The following ZNF804A variants were observed in gnomAD, a reference collection of about 807,000 sequenced individuals.
ZNF804A encodes the protein zinc finger protein 804A.
Under a neutral mutation model 16.5 loss-of-function variants are expected in ZNF804A, and 2 were observed. The observed-to-expected ratio is 0.12, with a 90% CI of 0.05 to 0.38. The LOEUF (loss-of-function observed/expected upper bound fraction) is 0.38. Among genes scored for constraint, ZNF804A ranks in the 10% least tolerant of loss-of-function variants. The pLI, the probability that ZNF804A is intolerant of heterozygous loss-of-function variation, is 0.99. For synonymous variants in ZNF804A, 534 were observed against 489.6 expected (o/e 1.09, Z -1.20); for missense variants, 1,473 against 1,390.7 (o/e 1.06, Z -0.94).
chr2:184,665,846 T>C (rs1302421745), intron 1 of ZNF804A, among the ~76,000 whole-genome samples: 1 of 152,194 alleles, frequency 6.6e-6, no homozygotes, highest in African/African-American at 2.4e-5. Flanking sequence ...GGACATTGCA[T>C]GAGTCCCTCT....
intron 1 of ZNF804A, among the ~76,000 whole-genome samples, chr2:184,860,501 G>T (rs1174987000): frequency 1.3e-5 from 2 of 152,238 alleles, no homozygotes; most frequent in East Asian, 1.9e-4. Flanking sequence ...GACTAGGGCT[G>T]CAGGGGCCAG....
chr2:184,673,166 A>T (rs556777213), intron 1 of ZNF804A, among the ~76,000 whole-genome samples: 30 of 152,326 alleles, frequency 2.0e-4, no homozygotes, highest in Middle Eastern at 6.8e-3. Context: ...AAAGGGAGGG[A>T]TGAAGATAAG....
chr2:184,825,593 T>G (rs147977696), intron 1 of ZNF804A, among the ~76,000 whole-genome samples: 10 of 152,200 alleles, frequency 6.6e-5, no homozygotes, highest in African/African-American at 2.4e-4. Context: ...AAAATGCTCA[T>G]AGGTGTCTCA....
intron 1 of ZNF804A, among the ~76,000 whole-genome samples, chr2:184,853,441 T>A (rs1695635919): frequency 6.6e-6 from 1 of 151,832 alleles, no homozygotes; most frequent in Non-Finnish European, 1.5e-5. Context: ...GTTGAACAGT[T>A]GTGGTAGGAA....
intron 1 of ZNF804A, among the ~76,000 whole-genome samples, chr2:184,843,558 G>A (rs938497789): frequency 6.6e-6 from 1 of 152,262 alleles, no homozygotes; most frequent in Non-Finnish European, 1.5e-5. Context: ...ACAGGCGTGA[G>A]CCACCACACT....
intron 3 of ZNF804A, 75 bp downstream of exon 3, chr2:184,933,808 G>A: frequency 6.9e-7 from 1 of 1,445,756 alleles, no homozygotes; most frequent in Non-Finnish European, 9.3e-7. Context: ...CAGAAATAAA[G>A]GGCACAAATC....
chr2:184,744,725 A>C (rs116000373), intron 1 of ZNF804A, among the ~76,000 whole-genome samples: 1,942 of 152,046 alleles, frequency 0.013, 21 homozygotes, highest in South Asian at 0.04. Flanking sequence ...AAGTATTAAC[A>C]ACTCAAGTAA....
intron 1 of ZNF804A, among the ~76,000 whole-genome samples, chr2:184,860,269 G>C (rs1695778613): frequency 6.6e-6 from 1 of 152,194 alleles, no homozygotes; most frequent in Admixed American, 6.5e-5. Flanking sequence ...AACTGGACTG[G>C]GTCCTGGGTC....
intron 1 of ZNF804A, among the ~76,000 whole-genome samples, chr2:184,791,305 C>T (rs1694535621): frequency 1.3e-5 from 2 of 152,112 alleles, no homozygotes; most frequent in Non-Finnish European, 1.5e-5. Flanking sequence ...TGGTGACTAT[C>T]AGCCTTTCAT....
chr2:184,666,549 G>C (rs1692258705), intron 1 of ZNF804A, among the ~76,000 whole-genome samples: 1 of 151,980 alleles, frequency 6.6e-6, no homozygotes, highest in Non-Finnish European at 1.5e-5. Context: ...AGCTGTAATA[G>C]TATTAAACAC....
chr2:184,648,317 A>G (rs1184841412), intron 1 of ZNF804A, among the ~76,000 whole-genome samples: 3 of 152,194 alleles, frequency 2.0e-5, no homozygotes, highest in Admixed American at 6.6e-5. Flanking sequence ...ACAATTAAAT[A>G]CATAGCCCAC....
chr2:184,934,692 T>G (rs1226062394), intron 3 of ZNF804A, among the ~76,000 whole-genome samples: 1 of 152,104 alleles, frequency 6.6e-6, no homozygotes, highest in Non-Finnish European at 1.5e-5. Flanking sequence ...AAATAGCATT[T>G]GCAAATATAA....
chr2:184,779,976 C>T (rs147815696), intron 1 of ZNF804A, among the ~76,000 whole-genome samples: 59 of 151,790 alleles, frequency 3.9e-4, no homozygotes, highest in African/African-American at 1.3e-3. Flanking sequence ...AAAAAAATTT[C>T]GCAATAATTT....
chr2:184,892,447 T>C (rs1387998425), intron 2 of ZNF804A, among the ~76,000 whole-genome samples: 1 of 151,664 alleles, frequency 6.6e-6, no homozygotes. Flanking sequence ...ATTAGCATTT[T>C]TCGCTTCCAC....
At chr2:184,752,024 T>C (rs1182221551) in intron 1 of ZNF804A, among the ~76,000 whole-genome samples, 1 of 151,774 alleles carries the variant, frequency 6.6e-6, no homozygotes, top group Non-Finnish European at 1.5e-5. Flanking sequence ...GCTCATACCC[T>C]GTTGGTGGGT....
At chr2:184,671,833 C>A (rs1162414097) in intron 1 of ZNF804A, among the ~76,000 whole-genome samples, 1 of 152,144 alleles carries the variant, frequency 6.6e-6, no homozygotes, top group Non-Finnish European at 1.5e-5. Flanking sequence ...CCATTTCAGT[C>A]CAATGAAATG....
intron 1 of ZNF804A, among the ~76,000 whole-genome samples, chr2:184,858,644 G>T (rs917842656): frequency 6.6e-6 from 1 of 151,552 alleles, no homozygotes; most frequent in South Asian, 2.1e-4. Context: ...ACTAATTATT[G>T]TAATGATAAT....
intron 2 of ZNF804A, among the ~76,000 whole-genome samples, chr2:184,919,304 A>C (rs1457813135): frequency 6.6e-6 from 1 of 152,142 alleles, no homozygotes; most frequent in African/African-American, 2.4e-5. Context: ...ATTCCAGGGA[A>C]TAGTGCTGTA....
rs34131171 is a variant in ZNF804A at position 184,693,929 on chromosome 2, C to CTT, written c.111+94878_111+94879dup. Among the ~76,000 whole-genome samples, 239 of 121,202 alleles carry CTT rather than the reference C, an allele frequency of 2.0e-3. 3 individuals carry two copies. The highest frequency in any genetic ancestry group is 4.7e-3 in the African/African-American group (152 of 32,248). 79.5% of individuals were successfully genotyped at this position (121,202 alleles called of 152,430 possible). A position where few individuals can be genotyped will look rare whatever the true frequency, so the allele number is the denominator to read the frequency against. On this transcript the variant is annotated intron_variant, in intron 1 of 3. Transcript: ENST00000302277. The stretch of plus-strand genomic sequence containing the variant: ...AAATCGATGATGCAACTAACTTAGT[C>CTT]TTTTTTTTTTTTTTTTTTTTGACGG...
Sources: allele counts gnomAD v4.1 joint callset (sites outside exome capture counted in the v4.1 genomes callset), GRCh38; gene constraint gnomAD v4.1.1; transcripts MANE v1.5; gene names NCBI Gene and HGNC (gene_info 2026-07-23, HGNC 2026-07-21).